Variants in DGKB observed in about 807,000 individuals in gnomAD.
The protein encoded by DGKB is 90 kDa diacylglycerol kinase.
Under a neutral mutation model 114.3 loss-of-function variants are expected in DGKB, and 67 were observed. The observed-to-expected ratio is 0.59, with a 90% CI of 0.48 to 0.72. DGKB has a LOEUF of 0.72. Ranked by LOEUF, DGKB falls within the 30% of genes least tolerant of loss-of-function variation. The pLI is 0.00. For synonymous variants in DGKB, 398 were observed against 323.1 expected (o/e 1.23, Z -2.49); for missense variants, 907 against 975.2 (o/e 0.93, Z 0.93).
At chr7:14,795,605 C>T (rs1345002529) in intron 2 of DGKB, among the ~76,000 whole-genome samples, 1 of 152,086 alleles carries the variant, frequency 6.6e-6, no homozygotes, top group African/African-American at 2.4e-5. Flanking sequence ...ACTGTAGTCA[C>T]TGCATTGAGA....
At position 14,758,928 on chromosome 7, in the gene DGKB, G is replaced by C. The variant is rs142346583; in HGVS notation, c.71-1197C>G. ...AGATAGATAGATAGATAGATAGATA[G>C]ATAGATACATAGATAGATAGAGTTT... On this transcript the variant is annotated intron_variant, in intron 2 of 25. Coordinates refer to ENST00000402815, the MANE Select transcript of DGKB (RefSeq NM_001350709.2). Among the ~76,000 whole-genome samples, 557 of 146,940 alleles carry C rather than the reference G, an allele frequency of 3.8e-3. 4 individuals carry two copies. The highest frequency in any genetic ancestry group is 0.011 in the African/African-American group (425 of 39,594).
intron 19 of DGKB, among the ~76,000 whole-genome samples, chr7:14,579,757 C>T (rs547435994): frequency 2.1e-4 from 32 of 151,980 alleles, no homozygotes; most frequent in Non-Finnish European, 4.7e-4. Context: ...TCCAACTTTG[C>T]CGTAAATCAG....
At chr7:14,235,712 C>G (rs1472081610) in intron 23 of DGKB, among the ~76,000 whole-genome samples, 1 of 152,022 alleles carries the variant, frequency 6.6e-6, no homozygotes, top group Non-Finnish European at 1.5e-5. Context: ...TCCCAATACC[C>G]TTAATTGTTT....
rs11348925 is a variant in DGKB at position 14,737,283 on chromosome 7, A to ATT, written c.169-1091_169-1090dup. ...CTTTATAGGTAGCCCTTGAAGGCCA[A>ATT]TTTTTTTTTTTTTTTTTTTTTTTTT... is the stretch of plus-strand genomic sequence containing the variant. On this transcript the variant is annotated intron_variant, in intron 4 of 25. Transcript: ENST00000402815. Among the ~76,000 whole-genome samples the ATT allele has an allele frequency of 9.4e-3, 777 of 82,498 alleles. 11 individuals are homozygous for ATT. The highest frequency in any genetic ancestry group is 0.011 in the Admixed American group (74 of 6,736). The allele number at this position is 82,498 out of a possible 152,430, so 54.1% of individuals were successfully genotyped here.
chr7:14,900,678 A>G (rs978090212), intron 1 of DGKB, among the ~76,000 whole-genome samples: 1 of 152,170 alleles, frequency 6.6e-6, no homozygotes, highest in African/African-American at 2.4e-5. Context: ...CAATTTAAAT[A>G]ATTGTTTTAT....
At chr7:14,525,820 C>T (rs2128578625) in intron 20 of DGKB, among the ~76,000 whole-genome samples, 1 of 152,104 alleles carries the variant, frequency 6.6e-6, no homozygotes, top group Admixed American at 6.6e-5. Flanking sequence ...TTTTCCAGTA[C>T]TTATTAATGC....
intron 13 of DGKB, among the ~76,000 whole-genome samples, chr7:14,648,367 AC>A (rs1813613510): frequency 6.6e-6 from 1 of 151,908 alleles, no homozygotes; most frequent in Non-Finnish European, 1.5e-5. Flanking sequence ...ACTGGGAGGC[AC>A]CCCCCAGCAG....
intron 1 of DGKB, among the ~76,000 whole-genome samples, chr7:14,971,563 A>T (rs1464867743): frequency 3.3e-5 from 5 of 152,166 alleles, no homozygotes; most frequent in Non-Finnish European, 7.3e-5. Context: ...CAGTCAATTG[A>T]ATTTAAAGCA....
At chr7:14,449,796 A>G (rs1025586830) in intron 21 of DGKB, among the ~76,000 whole-genome samples, 4 of 152,124 alleles carry the variant, frequency 2.6e-5, no homozygotes, top group Non-Finnish European at 5.9e-5. Flanking sequence ...AAGAAATATC[A>G]GCTTTAAAAG....
intron 1 of DGKB, among the ~76,000 whole-genome samples, chr7:14,886,912 T>C (rs769339607): frequency 2.0e-5 from 3 of 152,010 alleles, no homozygotes; most frequent in Non-Finnish European, 4.4e-5. Context: ...CCAGCCAAAA[T>C]GGACTTCTAG....
intron 14 of DGKB, among the ~76,000 whole-genome samples, chr7:14,622,010 C>A (rs1229419977): frequency 3.3e-5 from 5 of 152,076 alleles, no homozygotes; most frequent in Non-Finnish European, 5.9e-5. Context: ...AAAAAAATTT[C>A]TTTTAGGAGT....
chr7:14,444,144 T>C (rs1455733566), intron 21 of DGKB, among the ~76,000 whole-genome samples: 2 of 151,880 alleles, frequency 1.3e-5, no homozygotes, highest in African/African-American at 4.8e-5. Flanking sequence ...TAGTGAGACC[T>C]TGTCAAAAAT....
At position 14,689,196 on chromosome 7, in the gene DGKB, C is replaced by CTTATTTTTT. The variant is rs1055110232; in HGVS notation, c.712-3843_712-3835dup. Among the ~76,000 whole-genome samples, 313 of 80,290 alleles carry CTTATTTTTT rather than the reference C, an allele frequency of 3.9e-3. 24 individuals carry two copies. Among genetic ancestry groups the CTTATTTTTT allele is most frequent in the East Asian group, 0.025 (42 of 1,714 alleles). 52.7% of individuals were successfully genotyped at this position (80,290 alleles called of 152,430 possible). ...TTATGACAATGTGACAGAAACTCCTCTTATTTTTTTTTTTTTTTTTTTTTT... is the reference window on the plus strand; with the variant it reads ...TTATGACAATGTGACAGAAACTCCTCTTATTTTTTTTATTTTTTTTTTTTTTTTTTTTTT... On this transcript the variant is annotated intron_variant, in intron 9 of 25. Coordinates refer to ENST00000402815, the MANE Select transcript of DGKB (RefSeq NM_001350709.2).
At chr7:14,714,076 A>AACACACAC (rs71004329) in intron 6 of DGKB, among the ~76,000 whole-genome samples, 75 of 147,656 alleles carry the variant, frequency 5.1e-4, no homozygotes, top group Non-Finnish European at 8.5e-4. Flanking sequence ...TACCTGTTGA[A>AACACACAC]ACACACACAC....
intron 13 of DGKB, among the ~76,000 whole-genome samples, chr7:14,664,268 C>T (rs2462566): frequency 0.46 from 70,456 of 151,692 alleles, 17,747 homozygotes; most frequent in Non-Finnish European, 0.57. Flanking sequence ...TAATGTTCTA[C>T]TCTCTGCTAC....
intron 25 of DGKB, among the ~76,000 whole-genome samples, chr7:14,175,035 C>T (rs1781518628): frequency 6.6e-6 from 1 of 152,144 alleles, no homozygotes; most frequent in Non-Finnish European, 1.5e-5. Context: ...AAAACCATTA[C>T]AAAGGTAAAA....
chr7:14,925,872 C>A (rs1481623677), intron 1 of DGKB, among the ~76,000 whole-genome samples: 1 of 146,432 alleles, frequency 6.8e-6, no homozygotes, highest in Non-Finnish European at 1.6e-5. Flanking sequence ...GGGTCCCCCC[C>A]CCACTTCCAG....
chr7:14,660,285 T>C (rs1383259524), intron 13 of DGKB, among the ~76,000 whole-genome samples: 2 of 151,794 alleles, frequency 1.3e-5, no homozygotes, highest in Admixed American at 6.6e-5. Flanking sequence ...TTTCTATTGA[T>C]TGGAATAGTT....
chr7:14,703,477 G>C (rs1219371990), intron 6 of DGKB, among the ~76,000 whole-genome samples: 1 of 152,144 alleles, frequency 6.6e-6, no homozygotes, highest in Non-Finnish European at 1.5e-5. Context: ...AAGAGCATTA[G>C]AAAATGAAAA....
Sources: allele counts gnomAD v4.1 joint callset (sites outside exome capture counted in the v4.1 genomes callset), GRCh38; gene constraint gnomAD v4.1.1; transcripts MANE v1.5; gene names NCBI Gene and HGNC (gene_info 2026-07-23, HGNC 2026-07-21).